The following FRMD5 variants were observed in gnomAD, a reference collection of about 807,000 sequenced individuals.
FRMD5 encodes FERM domain-containing protein 5.
FRMD5 carries 20 observed loss-of-function variants against 69.0 expected under a neutral mutation model. The observed-to-expected ratio is 0.29, with a 90% CI of 0.20 to 0.42. The LOEUF is 0.42. Among genes scored for constraint, FRMD5 ranks in the 10% least tolerant of loss-of-function variants. FRMD5 has a pLI of 1.00. For synonymous variants in FRMD5, 271 were observed against 260.1 expected (o/e 1.04, Z -0.40); for missense variants, 595 against 708.6 (o/e 0.84, Z 1.82).
intron 1 of FRMD5, among the ~76,000 whole-genome samples, chr15:44,072,012 C>G (rs897741626): frequency 6.6e-6 from 1 of 151,832 alleles, no homozygotes; most frequent in African/African-American, 2.4e-5. Flanking sequence ...ATTACAGGCG[C>G]CCACCACCAT....
At chr15:44,071,425 T>TAAACA (rs140305798) in intron 1 of FRMD5, among the ~76,000 whole-genome samples, 11,861 of 151,142 alleles carry the variant, frequency 0.078, 696 homozygotes, top group African/African-American at 0.15. Flanking sequence ...AGACCCTGTC[T>TAAACA]AAACAAAACA....
intron 1 of FRMD5, among the ~76,000 whole-genome samples, chr15:44,148,867 T>C (rs1398556671): frequency 6.6e-6 from 1 of 152,198 alleles, no homozygotes; most frequent in African/African-American, 2.4e-5. Context: ...ATCTCAAAGG[T>C]GTACCTGTAA....
chr15:44,155,377 G>GTT (rs1457105745), intron 1 of FRMD5, among the ~76,000 whole-genome samples: 35 of 147,664 alleles, frequency 2.4e-4, no homozygotes, highest in African/African-American at 8.0e-4. Context: ...GGTTGCAGTG[G>GTT]GCCGAGATCA....
intron 7 of FRMD5, among the ~76,000 whole-genome samples, chr15:43,900,330 G>A (rs1471218667): frequency 6.6e-6 from 1 of 152,136 alleles, no homozygotes; most frequent in Non-Finnish European, 1.5e-5. Flanking sequence ...TTACACAGAG[G>A]GCATTGTTTG....
intron 1 of FRMD5, among the ~76,000 whole-genome samples, chr15:43,935,464 G>A (rs567913600): frequency 6.6e-5 from 10 of 152,226 alleles, no homozygotes; most frequent in Admixed American, 3.9e-4. Flanking sequence ...CAGCCCGGGC[G>A]GCAAGAGTGA....
At chr15:43,905,483 CT>C (rs2140407841) in intron 6 of FRMD5, among the ~76,000 whole-genome samples, 1 of 152,192 alleles carries the variant, frequency 6.6e-6, no homozygotes, top group African/African-American at 2.4e-5. Context: ...TTATCTTTTC[CT>C]TTTCCCCAGT....
At chr15:44,152,873 A>G (rs1417145792) in intron 1 of FRMD5, among the ~76,000 whole-genome samples, 2 of 44,360 alleles carry the variant, frequency 4.5e-5, no homozygotes, top group Non-Finnish European at 1.4e-4. Flanking sequence ...TACTGCAAAT[A>G]TTTTCTAAAA....
At chr15:44,174,377 A>G (rs946831003) in intron 1 of FRMD5, among the ~76,000 whole-genome samples, 4 of 152,212 alleles carry the variant, frequency 2.6e-5, no homozygotes, top group Admixed American at 6.5e-5. Flanking sequence ...ATCAAAACTG[A>G]TAACAAAATA....
In FRMD5 at chr15:44,159,238, GT is replaced by G. The variant is rs571257188; in HGVS notation, c.102+35714del. Among the ~76,000 whole-genome samples, 174 of 152,268 alleles carry G rather than the reference GT, an allele frequency of 1.1e-3. 1 individual carries two copies. Among genetic ancestry groups the G allele is most frequent in the African/African-American group, 4.1e-3 (170 of 41,548 alleles). On this transcript the variant is annotated intron_variant, in intron 1 of 13. Transcript: ENST00000417257. ...ATACACTTAAAATGATAAATTTTAT[GT>G]GTATTTTACCATACACACACGTTTG...
At chr15:44,112,713 C>A (rs953281219) in intron 1 of FRMD5, among the ~76,000 whole-genome samples, 3 of 152,012 alleles carry the variant, frequency 2.0e-5, no homozygotes, top group African/African-American at 7.3e-5. Flanking sequence ...CATGATCCAC[C>A]CACCTCGGCC....
chr15:44,023,804 T>C (rs1173317943), intron 1 of FRMD5, among the ~76,000 whole-genome samples: 1 of 152,182 alleles, frequency 6.6e-6, no homozygotes, highest in South Asian at 2.1e-4. Context: ...ATTAACTGAT[T>C]ATAAATTATG....
intron 1 of FRMD5, chr15:43,989,839 T>C (rs781420586): frequency 2.5e-5 from 26 of 1,027,906 alleles, no homozygotes; most frequent in Non-Finnish European, 3.8e-5. Flanking sequence ...CTTCTTGTGG[T>C]TGGCCTTGGG....
At chr15:44,022,511 T>C (rs1891252351) in intron 1 of FRMD5, among the ~76,000 whole-genome samples, 1 of 141,784 alleles carries the variant, frequency 7.1e-6, no homozygotes, top group South Asian at 2.2e-4. Context: ...GAGGCAGAGG[T>C]TGCAGTGAGC....
At chr15:43,951,127 T>C (rs1012681272) in intron 1 of FRMD5, among the ~76,000 whole-genome samples, 8 of 152,132 alleles carry the variant, frequency 5.3e-5, no homozygotes, top group Non-Finnish European at 1.0e-4. Flanking sequence ...TTAGAAAATA[T>C]ACAATAAATA....
intron 1 of FRMD5, among the ~76,000 whole-genome samples, chr15:44,142,389 G>A (rs548989149): frequency 2.6e-5 from 4 of 152,254 alleles, no homozygotes; most frequent in Admixed American, 1.3e-4. Flanking sequence ...TGATTTTAGT[G>A]AACACATGGT....
chr15:44,087,715 G>A (rs1016799509), intron 1 of FRMD5, among the ~76,000 whole-genome samples: 6 of 150,918 alleles, frequency 4.0e-5, no homozygotes, highest in Admixed American at 6.7e-5. Context: ...AGCATAGAAA[G>A]TGCTCAGTAA....
intron 1 of FRMD5, among the ~76,000 whole-genome samples, chr15:44,168,745 C>T (rs116152821): frequency 6.6e-6 from 1 of 152,190 alleles, no homozygotes; most frequent in Non-Finnish European, 1.5e-5. Flanking sequence ...CCCCAACGTA[C>T]TTCATTTTTG....
intron 1 of FRMD5, among the ~76,000 whole-genome samples, chr15:43,996,140 T>C (rs1889911788): frequency 6.6e-6 from 1 of 151,754 alleles, no homozygotes; most frequent in Non-Finnish European, 1.5e-5. Flanking sequence ...TTCTGGAACC[T>C]GGGGTGGGCC....
chr15:44,025,308 G>A (rs1324183547), intron 1 of FRMD5, among the ~76,000 whole-genome samples: 1 of 152,210 alleles, frequency 6.6e-6, no homozygotes, highest in Non-Finnish European at 1.5e-5. Context: ...TAGGGGTTAA[G>A]AGAGAGTGAA....
Sources: allele counts gnomAD v4.1 joint callset (sites outside exome capture counted in the v4.1 genomes callset), GRCh38; gene constraint gnomAD v4.1.1; transcripts MANE v1.5; gene names NCBI Gene and HGNC (gene_info 2026-07-23, HGNC 2026-07-21).